RPL37: variants seen among roughly 807,000 people sequenced by gnomAD.
RPL37 encodes the protein large ribosomal subunit protein eL37.
Under a neutral mutation model 14.8 loss-of-function variants are expected in RPL37, and 1 was observed. That is an observed-to-expected ratio of 0.07 (90% CI 0.02 to 0.32). The LOEUF is 0.32. RPL37 is among the 10% of genes least tolerant of loss of function. The pLI is 1.00. For synonymous variants in RPL37, 53 were observed against 45.8 expected (o/e 1.16, Z -0.63); for missense variants, 100 against 128.3 (o/e 0.78, Z 1.06).
chr5:40,832,557 C>T lies in RPL37; in HGVS notation c.241G>A (p.Gly81Arg), dbSNP rs1292229085. ...GCCCTCTTGGGTTTAGGTGTTGTTCCTTCACGGAATCCATGCCTGCAGGAT... is the reference window on the plus strand; with the variant it reads ...GCCCTCTTGGGTTTAGGTGTTGTTCTTTCACGGAATCCATGCCTGCAGGAT... ...YRRFRHGFRE[G>R]TTPKPKRAAV... The change falls in exon 4 of 4, where the codon GGA (glycine) becomes AGA (arginine). Residue 81 changes from glycine (G) to arginine (R), a missense_variant. Around this residue, in one of 2 missense-constraint regions of RPL37, gnomAD observed 74 missense variants for 69.9 expected, o/e 1.06. Coordinates refer to ENST00000274242, the MANE Select transcript of RPL37 (RefSeq NM_000997.5). The T allele has an allele frequency of 1.2e-6, 2 of 1,613,964 alleles. No homozygotes were observed. The highest frequency in any genetic ancestry group is 2.2e-5 in the South Asian group (2 of 91,076).
rs902825897 is a variant in RPL37, at chr5:40,827,703, G to A, written c.*4801C>T. ...GTCAAAACATCCTTCTACTTACAAG[G>A]AAGATTTTGCTTAAGTCCTTCCTTT... On this transcript the variant is annotated 3_prime_UTR_variant, in exon 4 of 4. Coordinates refer to ENST00000274242, the MANE Select transcript of RPL37 (RefSeq NM_000997.5). 4.0e-5 allele frequency: 6 copies of A among 151,706 alleles called. No homozygotes were observed. In the East Asian group the frequency reaches 9.6e-4, roughly 24 times the overall value. The allele number at this position is 151,706 out of a possible 1,614,324, so 9.4% of individuals were successfully genotyped here. A position where few individuals can be genotyped will look rare whatever the true frequency, so the allele number is the denominator to read the frequency against.
At chr5:40,834,628 A>G (rs568030306) in intron 1 of RPL37, 22 bp from the exon 2 acceptor site, 3 of 1,583,514 alleles carry the variant, frequency 1.9e-6, no homozygotes, top group African/African-American at 1.4e-5. Flanking sequence ...AGGAATAAAT[A>G]GTTCTGAAAC....
chr5:40,832,958 C>T (rs574757327), intron 3 of RPL37, among the ~76,000 whole-genome samples: 1 of 152,326 alleles, frequency 6.6e-6, no homozygotes, highest in East Asian at 1.9e-4. Flanking sequence ...TGTTTAATGG[C>T]AGACATTTTC....
Position 40,834,454 on chromosome 5 carries a change from T to G in RPL37, c.139+17A>C. On this transcript the variant is annotated intron_variant, in intron 2 of 3. Coordinates refer to ENST00000274242, the MANE Select transcript of RPL37 (RefSeq NM_000997.5). ...CAAACAAAAGCTAACACAGTTGGCCTGAAAAATGTTACTTACACTTTCTCT... is the reference window on the plus strand; with the variant it reads ...CAAACAAAAGCTAACACAGTTGGCCGGAAAAATGTTACTTACACTTTCTCT... 2 of 1,608,526 alleles carry G rather than the reference T, an allele frequency of 1.2e-6. No homozygotes were observed. Among genetic ancestry groups the G allele is most frequent in the Non-Finnish European group, 1.7e-6 (2 of 1,178,446 alleles).
intron 3 of RPL37, among the ~76,000 whole-genome samples, chr5:40,833,429 G>A (rs1561208667): frequency 6.6e-6 from 1 of 152,170 alleles, no homozygotes; most frequent in Non-Finnish European, 1.5e-5. Context: ...GATCTTAGAT[G>A]GGTTAATCTC....
Position 40,827,020 on chromosome 5 carries a change from T to A in RPL37, c.*5484A>T, listed in dbSNP as rs1471869351. On this transcript the variant is annotated 3_prime_UTR_variant, in exon 4 of 4. Transcript: ENST00000274242. The stretch of plus-strand genomic sequence containing the variant: ...TCTCAAACTCTTGGGCTCAAGCCAA[T>A]GGCACCTCTGAGCCTCCCAAAGTGC... 1 of 152,242 alleles carries A rather than the reference T, an allele frequency of 6.6e-6. No individual in the cohort carries two copies. The highest frequency in any genetic ancestry group is 1.5e-5 in the Non-Finnish European group (1 of 68,078). The allele number at this position is 152,242 out of a possible 1,614,324, so 9.4% of individuals were successfully genotyped here.
Position 40,835,200 on chromosome 5 carries a change from C to T in RPL37, c.-15G>A, listed in dbSNP as rs1579795456. On this transcript the variant is annotated 5_prime_UTR_variant, in exon 1 of 4. Coordinates refer to ENST00000274242, the MANE Select transcript of RPL37 (RefSeq NM_000997.5). ...CAACTCACCATCTCGCTTCTGCGGC[C>T]GAGACCAGAAAGACCGGAAGAGAAG... is the stretch of plus-strand genomic sequence containing the variant. 7 of 1,613,956 alleles carry T rather than the reference C, an allele frequency of 4.3e-6. No individual in the cohort carries two copies. Among genetic ancestry groups the T allele is most frequent in the Non-Finnish European group, 5.1e-6 (6 of 1,180,034 alleles).
rs536647063 is a variant in RPL37, at chr5:40,826,200, C to T, written c.*6304G>A. On this transcript the variant is annotated 3_prime_UTR_variant, in exon 4 of 4. Transcript: ENST00000274242. The stretch of plus-strand genomic sequence containing the variant: ...GCAAAGAAAATACTTTTTACATTTG[C>T]TAGATGTTTATTTGCAGAGCTACAT... 2.0e-5 allele frequency: 3 copies of T among 152,128 alleles called. No homozygotes were observed. The highest frequency in any genetic ancestry group is 4.4e-5 in the Non-Finnish European group (3 of 68,006). 9.4% of individuals were successfully genotyped at this position (152,128 alleles called of 1,614,324 possible).
Position 40,827,544 on chromosome 5 carries a change from G to A in RPL37, c.*4960C>T, listed in dbSNP as rs1367372286. 6.6e-6 allele frequency: 1 copy of A among 151,980 alleles called. No individual in the cohort carries two copies. The highest frequency in any genetic ancestry group is 1.9e-4 in the East Asian group (1 of 5,176). The allele number at this position is 151,980 out of a possible 1,614,324, so 9.4% of individuals were successfully genotyped here. A position where few individuals can be genotyped will look rare whatever the true frequency, so the allele number is the denominator to read the frequency against. ...GGGTCAGGTCAAGTCTTCATCCTGG[G>A]GCACCAGGGTATACTCCCACCGTAT... On this transcript the variant is annotated 3_prime_UTR_variant, in exon 4 of 4. Coordinates refer to ENST00000274242, the MANE Select transcript of RPL37 (RefSeq NM_000997.5).
chr5:40,827,072 C>T lies in RPL37; in HGVS notation c.*5432G>A, dbSNP rs1006534604. ...GGGATGACAAGCATGAACCTCCGAA[C>T]CTGGCAGAGTATTTTAAATTGAGAT... is the stretch of plus-strand genomic sequence containing the variant. On this transcript the variant is annotated 3_prime_UTR_variant, in exon 4 of 4. Coordinates refer to ENST00000274242, the MANE Select transcript of RPL37 (RefSeq NM_000997.5). 6.6e-6 allele frequency: 1 copy of T among 152,264 alleles called. No individual in the cohort carries two copies. Among genetic ancestry groups the T allele is most frequent in the African/African-American group, 2.4e-5 (1 of 41,446 alleles). The allele number at this position is 152,264 out of a possible 1,614,324, so 9.4% of individuals were successfully genotyped here.
At position 40,828,426 on chromosome 5, in the gene RPL37, T is replaced by G. The variant is rs1745564743; in HGVS notation, c.*4078A>C. 1.3e-5 allele frequency: 2 copies of G among 152,206 alleles called. No homozygotes were observed. Among genetic ancestry groups the G allele is most frequent in the Non-Finnish European group, 2.9e-5 (2 of 68,046 alleles). The allele number at this position is 152,206 out of a possible 1,614,324, so 9.4% of individuals were successfully genotyped here. A position where few individuals can be genotyped will look rare whatever the true frequency, so the allele number is the denominator to read the frequency against. On this transcript the variant is annotated 3_prime_UTR_variant, in exon 4 of 4. Transcript: ENST00000274242. Reference sequence around the variant, plus strand: ...GGCCTAGATAGCTTTTGACACATAGTAGTCACTAAATAGATACTTGCTTCA... The same window carrying G: ...GGCCTAGATAGCTTTTGACACATAGGAGTCACTAAATAGATACTTGCTTCA...
rs1745718265 is a variant in RPL37 at position 40,834,460 on chromosome 5, A to C, written c.139+11T>G. The stretch of plus-strand genomic sequence containing the variant: ...AAAGCTAACACAGTTGGCCTGAAAA[A>C]TGTTACTTACACTTTCTCTTGCGCT... On this transcript the variant is annotated intron_variant, in intron 2 of 3. Transcript: ENST00000274242. 6.2e-7 allele frequency: 1 copy of C among 1,610,002 alleles called. No homozygotes were observed. Among genetic ancestry groups the C allele is most frequent in the Non-Finnish European group, 8.5e-7 (1 of 1,178,968 alleles).
Position 40,834,576 on chromosome 5 carries a change from G to A in RPL37, c.34C>T (p.Arg12Cys), listed in dbSNP as rs567593048. Residue 12 changes from arginine (R) to cysteine (C), a missense_variant, in exon 2 of 4, where the codon CGC (arginine) becomes TGC (cysteine). This residue lies in a region of RPL37 where 26 missense variants were observed against 58.3 expected (regional missense o/e 0.45). Coordinates refer to ENST00000274242, the MANE Select transcript of RPL37 (RefSeq NM_000997.5). ...CGGCACAACGTGTGCGTCTTATTGC[G>A]ACGCTTTCCAAACGATGACGTTCCC... ...TKGTSSFGKRRNKTHTLCRRC... is the reference protein window; with the variant it reads ...TKGTSSFGKRCNKTHTLCRRC... 6.2e-7 allele frequency: 1 copy of A among 1,613,646 alleles called. No individual in the cohort carries two copies. The highest frequency in any genetic ancestry group is 8.5e-7 in the Non-Finnish European group (1 of 1,179,882).
intron 3 of RPL37, chr5:40,833,968 T>C: frequency 1.8e-6 from 1 of 548,258 alleles, no homozygotes; most frequent in South Asian, 2.1e-5. Context: ...TACCTGAGGC[T>C]GGGGAGACTG....
At chr5:40,835,007 TC>T in intron 1 of RPL37, 175 bp downstream of exon 1, 1 of 800,028 alleles carries the variant, frequency 1.2e-6, no homozygotes, top group Non-Finnish European at 2.0e-6. Flanking sequence ...GCGGGATAGG[TC>T]CCCCAGGCAC....
intron 1 of RPL37, 36 bp from the exon 2 acceptor site, chr5:40,834,642 G>T (rs375958289): frequency 3.8e-6 from 6 of 1,566,136 alleles, no homozygotes; most frequent in Non-Finnish European, 5.2e-6. Flanking sequence ...CTGAAACCTG[G>T]CAACTTCTAG....
At position 40,826,685 on chromosome 5, in the gene RPL37, G is replaced by A. The variant is rs1745525265; in HGVS notation, c.*5819C>T. On this transcript the variant is annotated 3_prime_UTR_variant, in exon 4 of 4. Transcript: ENST00000274242. The stretch of plus-strand genomic sequence containing the variant: ...CAGGGATGTGAGAATGTTTCCTGAG[G>A]ACCAGATGTGTGACACTCAGGAGAG... The A allele has an allele frequency of 6.6e-6, 1 of 152,180 alleles. No homozygotes were observed. The highest frequency in any genetic ancestry group is 2.1e-4 in the South Asian group (1 of 4,830). 9.4% of individuals were successfully genotyped at this position (152,180 alleles called of 1,614,324 possible).
chr5:40,834,819 A>G (rs1240164833), intron 1 of RPL37, among the ~76,000 whole-genome samples: 1 of 152,190 alleles, frequency 6.6e-6, no homozygotes, highest in African/African-American at 2.4e-5. Flanking sequence ...TCTGAAATGC[A>G]CCTTATCTTT....
Position 40,834,199 on chromosome 5 carries a change from A to T in RPL37, c.206T>A (p.Ile69Asn). 1 of 1,613,848 alleles carries T rather than the reference A, an allele frequency of 6.2e-7. No individual in the cohort carries two copies. The highest frequency in any genetic ancestry group is 8.5e-7 in the Non-Finnish European group (1 of 1,179,734). ...TGTGRMRHLK[I>N]VYRRFRHGFR... The stretch of plus-strand genomic sequence containing the variant: ...ACTGTACCTGAATCTGCGGTATACA[A>T]TTTTTAGGTGCCTCATTCGACCAGT... Residue 69 changes from isoleucine (I) to asparagine (N), a missense_variant, in exon 3 of 4, where the codon ATT (isoleucine) becomes AAT (asparagine). This residue lies in a region of RPL37 where 74 missense variants were observed against 69.9 expected (regional missense o/e 1.06). Coordinates refer to ENST00000274242, the MANE Select transcript of RPL37 (RefSeq NM_000997.5).
Sources: gnomAD v4.1 joint callset for allele counts (sites outside exome capture counted in the v4.1 genomes callset) on GRCh38, gnomAD v4.1.1 for gene constraint, gnomAD v4.1.1 regional missense constraint, MANE v1.5 for transcripts, NCBI Gene and HGNC (gene_info 2026-07-23, HGNC 2026-07-21) for gene names.